Variants in CDH17 observed in about 807,000 individuals in gnomAD.
CDH17 encodes cadherin-17.
In CDH17, 67 loss-of-function variants were observed where a neutral mutation model predicts 86.3. The ratio of observed to expected loss-of-function variants is 0.78; its 90% CI spans 0.64 to 0.95. The LOEUF is 0.95. CDH17 is among the 40% of genes least tolerant of loss of function. The pLI is 0.00. For synonymous variants in CDH17, 367 were observed against 366.4 expected (o/e 1.00, Z -0.02); for missense variants, 993 against 1,017.6 (o/e 0.98, Z 0.33).
rs377266170 is a variant in CDH17 at position 94,165,645 on chromosome 8, C to T, written c.1282+116G>A. On this transcript the variant is annotated intron_variant, in intron 10 of 17. Coordinates refer to ENST00000027335, the MANE Select transcript of CDH17 (RefSeq NM_004063.4). Reference sequence around the variant, plus strand: ...TGTTATGTGTGTTTCACAAAGGAAGCAAAGAATGTTTAAATGGCATCATTC... The same window carrying T: ...TGTTATGTGTGTTTCACAAAGGAAGTAAAGAATGTTTAAATGGCATCATTC... 5 of 747,680 alleles carry T rather than the reference C, an allele frequency of 6.7e-6. No homozygotes were observed. In the African/African-American group the frequency reaches 6.9e-5, roughly 10 times the overall value. 46.3% of individuals were successfully genotyped at this position (747,680 alleles called of 1,614,324 possible).
chr8:94,135,964 G>T (rs575557002), intron 15 of CDH17, among the ~76,000 whole-genome samples: 5 of 152,178 alleles, frequency 3.3e-5, no homozygotes, highest in African/African-American at 1.2e-4. Flanking sequence ...TTTTCTTTAA[G>T]AACGTTGAAT....
chr8:94,160,219 G>A (rs1813025622), intron 11 of CDH17, 57 bp from the exon 12 acceptor site: 6 of 1,320,398 alleles, frequency 4.5e-6, no homozygotes, highest in Non-Finnish European at 6.3e-6. Flanking sequence ...CAAAGCCAAA[G>A]GACAAACTTA....
chr8:94,165,717 G>A (rs745946609), intron 10 of CDH17, 44 bp downstream of exon 10: 2 of 1,290,076 alleles, frequency 1.6e-6, no homozygotes, highest in East Asian at 2.3e-5. Context: ...ATAGCTAGAA[G>A]GAAAACAATG....
intron 7 of CDH17, among the ~76,000 whole-genome samples, 158 bp downstream of exon 7, chr8:94,173,639 C>T (rs1275291959): frequency 3.9e-5 from 6 of 152,184 alleles, no homozygotes. Context: ...ATGGTCAAGT[C>T]CAGTGACTCG....
chr8:94,156,314 T>C (rs532032797), intron 12 of CDH17, among the ~76,000 whole-genome samples: 5 of 152,244 alleles, frequency 3.3e-5, no homozygotes, highest in Admixed American at 1.3e-4. Context: ...TGACATTTGG[T>C]CTGGTTAAAA....
intron 15 of CDH17, among the ~76,000 whole-genome samples, chr8:94,141,780 T>C (rs1293656153): frequency 3.3e-5 from 5 of 152,282 alleles, no homozygotes; most frequent in Non-Finnish European, 5.9e-5. Context: ...GAAGACTTAA[T>C]ATATCAATTC....
intron 15 of CDH17, among the ~76,000 whole-genome samples, chr8:94,131,829 AC>A (rs912720521): frequency 6.6e-6 from 1 of 151,256 alleles, no homozygotes; most frequent in Non-Finnish European, 1.5e-5. Context: ...CCTCCCCCAG[AC>A]CCCCACCCCC....
chr8:94,148,651 T>C (rs2130597390), intron 14 of CDH17, 93 bp downstream of exon 14: 1 of 1,077,556 alleles, frequency 9.3e-7, no homozygotes, highest in South Asian at 1.9e-5. Flanking sequence ...GTTTTGGCCC[T>C]GTCAGTTTTC....
chr8:94,169,016 A>T (rs1335867269), intron 9 of CDH17, among the ~76,000 whole-genome samples: 3 of 152,198 alleles, frequency 2.0e-5, no homozygotes, highest in African/African-American at 7.2e-5. Flanking sequence ...AAACTGTGAC[A>T]TGATACATGC....
chr8:94,152,140 T>C lies in CDH17; in HGVS notation c.1552-28A>G, dbSNP rs373833082. 118 of 1,610,260 alleles carry C rather than the reference T, an allele frequency of 7.3e-5. No homozygotes were observed. The African/African-American group carries it at 1.3e-3, about 18-fold the overall frequency. On this transcript the variant is annotated intron_variant, in intron 12 of 17. Transcript: ENST00000027335. ...GTGTAGGAGAAAGAGAGAAAATTAA[T>C]TTTGGGGTGATTAGCTCCCTTAAAA...
At position 94,165,680 on chromosome 8, in the gene CDH17, C is replaced by T. The variant is rs188071277; in HGVS notation, c.1282+81G>A. On this transcript the variant is annotated intron_variant, in intron 10 of 17. Coordinates refer to ENST00000027335, the MANE Select transcript of CDH17 (RefSeq NM_004063.4). ...TTAAATGGCATCATTCTATAACATACCAGACATTAGCGCAGGAAAATAACT... is the reference window on the plus strand; with the variant it reads ...TTAAATGGCATCATTCTATAACATATCAGACATTAGCGCAGGAAAATAACT... 5.4e-6 allele frequency: 5 copies of T among 925,586 alleles called. No homozygotes were observed. The East Asian group carries it at 1.2e-4, about 22-fold the overall frequency. 57.3% of individuals were successfully genotyped at this position (925,586 alleles called of 1,614,324 possible).
At position 94,200,532 on chromosome 8, in the gene CDH17, CTTTTGTTTTTTT is replaced by C. The variant is rs1453756295; in HGVS notation, c.-20-5839_-20-5828del. On this transcript the variant is annotated intron_variant, in intron 1 of 17. Transcript: ENST00000027335. The stretch of plus-strand genomic sequence containing the variant: ...TAGATCAGAGGGTTATTATTATTAT[CTTTTGTTTTTTT>C]TTTTTTTTTTTTTTTTTTTTTTTTA... 3.3e-3 allele frequency among the ~76,000 whole-genome samples: 165 copies of C among 50,240 alleles called. 2 individuals are homozygous for C. Among genetic ancestry groups the C allele is most frequent in the South Asian group, 0.032 (44 of 1,396 alleles). The allele number at this position is 50,240 out of a possible 152,430, so 33.0% of individuals were successfully genotyped here.
rs1813137060 is a variant in CDH17 at position 94,165,638 on chromosome 8, A to G, written c.1282+123T>C. 4 of 720,686 alleles carry G rather than the reference A, an allele frequency of 5.6e-6. No individual in the cohort carries two copies. The East Asian group carries it at 1.1e-4, about 19-fold the overall frequency. 44.6% of individuals were successfully genotyped at this position (720,686 alleles called of 1,614,324 possible). ...ATCTCTGTGTTATGTGTGTTTCACAAAGGAAGCAAAGAATGTTTAAATGGC... is the reference window on the plus strand; with the variant it reads ...ATCTCTGTGTTATGTGTGTTTCACAGAGGAAGCAAAGAATGTTTAAATGGC... On this transcript the variant is annotated intron_variant, in intron 10 of 17. Coordinates refer to ENST00000027335, the MANE Select transcript of CDH17 (RefSeq NM_004063.4).
At chr8:94,202,842 C>A in intron 1 of CDH17, 1 of 189,998 alleles carries the variant, frequency 5.3e-6, no homozygotes, top group South Asian at 1.1e-4. Context: ...GGTTTAGCAG[C>A]TAAGTACCTC....
rs753014537 is a variant in CDH17 at position 94,146,011 on chromosome 8, T to C, written c.2084A>G (p.Gln695Arg). ...SLIFEATDDDQHLFRGPHFTF... is the reference protein window; with the variant it reads ...SLIFEATDDDRHLFRGPHFTF... ...AAAATGGGGACCCCGAAATAAGTGC[T>C]GATCATCATCAGTAGCCTCGAAAAT... Residue 695 changes from glutamine (Q) to arginine (R), a missense_variant, in exon 15 of 18, where the codon CAG becomes CGG. Transcript: ENST00000027335. The C allele has an allele frequency of 2.5e-6, 4 of 1,613,964 alleles. No homozygotes were observed. The highest frequency in any genetic ancestry group is 3.4e-6 in the Non-Finnish European group (4 of 1,179,926).
rs781239281 is a variant in CDH17, at chr8:94,174,103, C to T, written c.582G>A (p.Glu194=). The T allele has an allele frequency of 2.5e-6, 4 of 1,613,582 alleles. No individual in the cohort carries two copies. In the Admixed American group the frequency reaches 6.7e-5, roughly 27 times the overall value. ...CTACCAGGGCACCCCTGAACTTACC[C>T]TCTCGGGTAAGAGAGATGGCTCCCG... ...NKTGAISLTR[E]GSQELNPAKN... The change falls in exon 6 of 18, where the codon GAG becomes GAA. Residue 194 remains glutamate, a splice_region_variant and synonymous_variant. Transcript: ENST00000027335.
At chr8:94,216,607 T>C (rs945304350) in intron 1 of CDH17, among the ~76,000 whole-genome samples, 1 of 150,776 alleles carries the variant, frequency 6.6e-6, no homozygotes, top group African/African-American at 2.4e-5. Context: ...AAGTCTGCTC[T>C]CCTAAGTATG....
chr8:94,158,016 C>A, intron 12 of CDH17, among the ~76,000 whole-genome samples: 1 of 152,146 alleles, frequency 6.6e-6, no homozygotes, highest in East Asian at 1.9e-4. Context: ...TCTGTTCTGC[C>A]AGTTATCACC....
chr8:94,174,296 A>AAG lies in CDH17; in HGVS notation c.425-38_425-37dup, dbSNP rs756770422. On this transcript the variant is annotated intron_variant, in intron 5 of 17. Transcript: ENST00000027335. ...AGACGTACCCAGAAAAAAAAAAAAA[A>AAG]AGATATTAATTGAAACCCAAACCAA... is the stretch of plus-strand genomic sequence containing the variant. 1.9e-6 allele frequency: 3 copies of AAG among 1,547,610 alleles called. No individual in the cohort carries two copies. The South Asian group carries it at 3.8e-5, about 19-fold the overall frequency.
Sources: allele counts gnomAD v4.1 joint callset (sites outside exome capture counted in the v4.1 genomes callset), GRCh38; gene constraint gnomAD v4.1.1; transcripts MANE v1.5; gene names NCBI Gene and HGNC (gene_info 2026-07-23, HGNC 2026-07-21).